HAPSTR1: variants seen among roughly 807,000 people sequenced by gnomAD.
HAPSTR1 encodes the protein HUWE1-associated protein modifying stress responses 1.
the HAPSTR1 span, among the ~76,000 whole-genome samples, chr16:9,101,457 C>T: frequency 3.3e-5 from 5 of 152,214 alleles, no homozygotes; most frequent in African/African-American, 1.2e-4. Context: ...TATGAATGCA[C>T]TCTATAGCAT....
chr16:9,097,663 A>G, the HAPSTR1 span, among the ~76,000 whole-genome samples: 1 of 152,220 alleles, frequency 6.6e-6, no homozygotes. Context: ...GGATTGACTT[A>G]ATTGAGCAGC....
chr16:9,107,460 T>A, the HAPSTR1 span: 1 of 152,288 alleles, frequency 6.6e-6, no homozygotes, highest in Non-Finnish European at 1.5e-5. Context: ...GAGCCTGGGC[T>A]CTTGGCCTAA....
chr16:9,094,284 G>T, the HAPSTR1 span, among the ~76,000 whole-genome samples: 118 of 152,260 alleles, frequency 7.7e-4, 2 homozygotes, highest in East Asian at 0.022. Context: ...TCAGTGGTTA[G>T]CTTTGATTTT....
At chr16:9,111,894 T>A in the HAPSTR1 span, 1 of 106,016 alleles carries the variant, frequency 9.4e-6, no homozygotes, top group Admixed American at 9.6e-5. Context: ...GTTGAGATCA[T>A]ACTGCATATA....
the HAPSTR1 span, among the ~76,000 whole-genome samples, chr16:9,114,614 A>G: frequency 6.6e-6 from 1 of 152,178 alleles, no homozygotes; most frequent in Non-Finnish European, 1.5e-5. Context: ...TGAAGAGAGC[A>G]GGAAGGGAAG....
chr16:9,092,771 A>T, the HAPSTR1 span: 370 of 811,086 alleles, frequency 4.6e-4, 1 homozygote, highest in African/African-American at 6.0e-3. Context: ...TGGGTTTGGG[A>T]TCCCGAAACC....
chr16:9,120,472 C>G, the HAPSTR1 span: 1 of 149,242 alleles, frequency 6.7e-6, no homozygotes, highest in Non-Finnish European at 1.5e-5. Context: ...CAGGGTTTTA[C>G]TTCCTATAAT....
chr16:9,096,105 TG>T, the HAPSTR1 span, among the ~76,000 whole-genome samples: 1 of 152,338 alleles, frequency 6.6e-6, no homozygotes, highest in East Asian at 1.9e-4. Context: ...CTTACCTTTA[TG>T]GTCCTGGAGA....
chr16:9,093,786 C>T, the HAPSTR1 span, among the ~76,000 whole-genome samples: 2 of 151,156 alleles, frequency 1.3e-5, no homozygotes, highest in Non-Finnish European at 2.9e-5. Context: ...TTCTTGGTAA[C>T]GGTGGGTTTA....
At chr16:9,111,159 C>G in the HAPSTR1 span, 6 of 152,260 alleles carry the variant, frequency 3.9e-5, no homozygotes, top group Non-Finnish European at 8.8e-5. Context: ...AGAATCCTTT[C>G]TTCTCTGTGG....
At chr16:9,103,337 A>G in the HAPSTR1 span, 2 of 1,435,974 alleles carry the variant, frequency 1.4e-6, no homozygotes, top group African/African-American at 1.4e-5. Flanking sequence ...GGTTAGGTTT[A>G]GGTCCAGATA....
the HAPSTR1 span, chr16:9,111,960 A>G: frequency 6.6e-6 from 1 of 152,192 alleles, no homozygotes. Context: ...TTCCCATGAC[A>G]TTACAAACTG....
chr16:9,092,548 C>T, the HAPSTR1 span, among the ~76,000 whole-genome samples: 491 of 152,274 alleles, frequency 3.2e-3, 3 homozygotes, highest in African/African-American at 0.011. Flanking sequence ...CCGGTGTCCC[C>T]CTCGGCCCGG....
chr16:9,098,029 G>A, the HAPSTR1 span, among the ~76,000 whole-genome samples: 1 of 152,280 alleles, frequency 6.6e-6, no homozygotes, highest in Admixed American at 6.5e-5. Context: ...ACAAACAGTG[G>A]TTATTAAGAT....
chr16:9,092,026 C>T, the HAPSTR1 span: 1 of 1,492,120 alleles, frequency 6.7e-7, no homozygotes, highest in East Asian at 2.8e-5. Context: ...GGCGGCGAGG[C>T]CGCGGGAGGC....
chr16:9,100,530 GCTTA>G, the HAPSTR1 span, among the ~76,000 whole-genome samples: 2 of 151,440 alleles, frequency 1.3e-5, no homozygotes, highest in South Asian at 4.2e-4. Context: ...ATGTTTACAT[GCTTA>G]CTTCATCTTT....
At chr16:9,092,230 C>T in the HAPSTR1 span, 14 of 1,584,270 alleles carry the variant, frequency 8.8e-6, no homozygotes, top group South Asian at 6.9e-5. Flanking sequence ...TGTGGCACCT[C>T]TTCCAGAACT....
At chr16:9,120,014 G>A in the HAPSTR1 span, 4 of 152,232 alleles carry the variant, frequency 2.6e-5, no homozygotes, top group Admixed American at 1.3e-4. Context: ...ATTATGAACA[G>A]AATGATTGAG....
the HAPSTR1 span, chr16:9,110,813 G>C: frequency 6.6e-6 from 1 of 152,310 alleles, no homozygotes; most frequent in African/African-American, 2.4e-5. Context: ...CAAGGCGGGT[G>C]AATCACCTGA....
Sources: gnomAD v4.1 joint callset for allele counts (sites outside exome capture counted in the v4.1 genomes callset) on GRCh38, gnomAD v4.1.1 for gene constraint, MANE v1.5 for transcripts, NCBI Gene and HGNC (gene_info 2026-07-23, HGNC 2026-07-21) for gene names.